Variants in SACM1L observed in about 807,000 individuals in gnomAD.
SACM1L encodes the protein SAC1 like phosphatidylinositide phosphatase.
Under a neutral mutation model 89.5 loss-of-function variants are expected in SACM1L, and 32 were observed. That is an observed-to-expected ratio of 0.36 (90% CI 0.27 to 0.48). SACM1L has a LOEUF of 0.48. Ranked by LOEUF, SACM1L falls within the 20% of genes least tolerant of loss-of-function variation. The pLI is 0.99. For missense variants in SACM1L, 543 were observed against 708.5 expected (o/e 0.77, Z 2.65); for synonymous variants, 213 against 232.8 (o/e 0.92, Z 0.77).
intron 12 of SACM1L, 146 bp from the exon 13 acceptor site, chr3:45,731,907 A>G (rs1276488344): frequency 3.6e-6 from 2 of 562,124 alleles, no homozygotes; most frequent in Non-Finnish European, 3.2e-6. Context: ...ATGTATAGTG[A>G]TAAACCCAGA....
At chr3:45,699,058 T>C (rs1015444518) in intron 1 of SACM1L, among the ~76,000 whole-genome samples, 2 of 152,164 alleles carry the variant, frequency 1.3e-5, no homozygotes, top group Admixed American at 1.3e-4. Context: ...TGCATGAGCC[T>C]CTGCGCCTGG....
At chr3:45,709,419 G>A in intron 4 of SACM1L, 79 bp from the exon 5 acceptor site, 1 of 1,303,954 alleles carries the variant, frequency 7.7e-7, no homozygotes, top group African/African-American at 1.5e-5. Flanking sequence ...GGACTTAACA[G>A]GATTTAATTT....
chr3:45,722,158 G>T, intron 9 of SACM1L, 73 bp downstream of exon 9: 1 of 875,638 alleles, frequency 1.1e-6, no homozygotes, highest in Non-Finnish European at 1.8e-6. Flanking sequence ...CTGTCATGTT[G>T]AAATTTCCCT....
intron 1 of SACM1L, among the ~76,000 whole-genome samples, chr3:45,696,556 G>T (rs1166528982): frequency 2.0e-5 from 3 of 152,098 alleles, no homozygotes; most frequent in Non-Finnish European, 1.5e-5. Context: ...TTTTCCCATA[G>T]TGGCTGCACC....
intron 1 of SACM1L, among the ~76,000 whole-genome samples, chr3:45,700,782 C>T (rs984202336): frequency 6.6e-6 from 1 of 152,222 alleles, no homozygotes; most frequent in African/African-American, 2.4e-5. Flanking sequence ...AAGCGATTCT[C>T]ATGCCTTAGC....
chr3:45,707,667 G>A (rs915082200), intron 4 of SACM1L, among the ~76,000 whole-genome samples: 1 of 152,204 alleles, frequency 6.6e-6, no homozygotes, highest in Non-Finnish European at 1.5e-5. Context: ...GAGTGGCTGT[G>A]ACGAAAGGGA....
chr3:45,708,712 G>C (rs1344277577), intron 4 of SACM1L, among the ~76,000 whole-genome samples: 1 of 151,996 alleles, frequency 6.6e-6, no homozygotes. Context: ...GTTATTCTTT[G>C]TTGTCAAGCT....
chr3:45,710,389 C>T (rs376555525), intron 5 of SACM1L, among the ~76,000 whole-genome samples: 4 of 151,592 alleles, frequency 2.6e-5, no homozygotes, highest in East Asian at 3.9e-4. Context: ...GATGGGGTTT[C>T]GCCATGTTGC....
chr3:45,722,085 G>GTT lies in SACM1L; in HGVS notation c.765_765+1insTT (p.Thr256LeufsTer27). 1 of 1,601,900 alleles carries GTT rather than the reference G, an allele frequency of 6.2e-7. No homozygotes were observed. The highest frequency in any genetic ancestry group is 1.1e-5 in the South Asian group (1 of 89,742). On this transcript the variant is annotated frameshift_variant and splice_region_variant. Coordinates refer to ENST00000389061, the MANE Select transcript of SACM1L (RefSeq NM_014016.5). LOFTEE classifies it high-confidence loss of function. Reference sequence around the variant, plus strand: ...ATGGGAGCAAAGCTTCGTTTGTACAGGCAAGTTGTTATGTCTGTTAGGCAG... The same window carrying GTT: ...ATGGGAGCAAAGCTTCGTTTGTACAGTTGCAAGTTGTTATGTCTGTTAGGCAG...
chr3:45,723,944 A>G (rs770824545), intron 11 of SACM1L, among the ~76,000 whole-genome samples: 6 of 131,776 alleles, frequency 4.6e-5, no homozygotes, highest in Middle Eastern at 3.6e-3. Context: ...ATGTGTATGC[A>G]TATATGCACA....
chr3:45,689,844 C>G, intron 1 of SACM1L: 1 of 445,968 alleles, frequency 2.2e-6, no homozygotes, highest in Admixed American at 3.7e-5. Flanking sequence ...CTAAATTTAT[C>G]TGTATGACTT....
Position 45,732,057 on chromosome 3 carries a change from ATTGCCT to A in SACM1L, c.1010_1015del (p.Ala337_Phe338del). On this transcript the variant is annotated inframe_deletion, in exon 13 of 20. Transcript: ENST00000389061. ...GAATATCTTTTCTTTTGGTAGATAC[ATTGCCT>A]TTGACTTCCATAAGGAATGTAAAAA... 1 of 1,573,178 alleles carries A rather than the reference ATTGCCT, an allele frequency of 6.4e-7. No individual in the cohort carries two copies. The highest frequency in any genetic ancestry group is 8.6e-7 in the Non-Finnish European group (1 of 1,157,996).
chr3:45,696,642 C>G (rs945542716), intron 1 of SACM1L, among the ~76,000 whole-genome samples: 10 of 151,716 alleles, frequency 6.6e-5, no homozygotes, highest in African/African-American at 2.4e-4. Flanking sequence ...ATTTTCTATC[C>G]TGGGTTTGTT....
chr3:45,723,874 A>G (rs1167447403), intron 11 of SACM1L, among the ~76,000 whole-genome samples: 1 of 152,040 alleles, frequency 6.6e-6, no homozygotes, highest in Non-Finnish European at 1.5e-5. Context: ...AGGTTCATCC[A>G]TCTTGTAGCA....
rs1229575937 is a variant in SACM1L, at chr3:45,743,914, C to T, written c.*245C>T. 6.0e-6 allele frequency: 2 copies of T among 331,680 alleles called. No homozygotes were observed. Among genetic ancestry groups the T allele is most frequent in the Non-Finnish European group, 1.1e-5 (2 of 184,618 alleles). 20.5% of individuals were successfully genotyped at this position (331,680 alleles called of 1,614,324 possible). On this transcript the variant is annotated 3_prime_UTR_variant, in exon 20 of 20. Transcript: ENST00000389061. ...CTGTAATTAAAATATAACCTGAATT[C>T]AGCTTGCAGAATGGAAGCTGAATCT...
At chr3:45,713,952 T>C (rs749654295) in intron 6 of SACM1L, 94 bp from the exon 7 acceptor site, 2 of 602,380 alleles carry the variant, frequency 3.3e-6, no homozygotes, top group Non-Finnish European at 5.5e-6. Context: ...TACCTTGTTA[T>C]GTTTGTATAT....
rs200846209 is a variant in SACM1L, at chr3:45,706,916, T to C, written c.333+9T>C. Reference sequence around the variant, plus strand: ...ACTTAACTGATATTCAGGTAAGAACTGGAAATTGTTACTAATTGCAGCGCC... The same window carrying C: ...ACTTAACTGATATTCAGGTAAGAACCGGAAATTGTTACTAATTGCAGCGCC... On this transcript the variant is annotated intron_variant, in intron 4 of 19. Coordinates refer to ENST00000389061, the MANE Select transcript of SACM1L (RefSeq NM_014016.5). The C allele has an allele frequency of 2.4e-5, 38 of 1,612,512 alleles. No individual in the cohort carries two copies. In the Admixed American group the frequency reaches 5.2e-4, roughly 22 times the overall value.
intron 1 of SACM1L, among the ~76,000 whole-genome samples, chr3:45,692,155 G>A (rs1214259301): frequency 6.6e-6 from 1 of 152,140 alleles, no homozygotes; most frequent in Admixed American, 6.5e-5. Context: ...AGAGCCAAGA[G>A]ATCTCAGGTT....
rs527574784 is a variant in SACM1L at position 45,726,768 on chromosome 3, G to A, written c.921+3225G>A. On this transcript the variant is annotated intron_variant, in intron 11 of 19. Coordinates refer to ENST00000389061, the MANE Select transcript of SACM1L (RefSeq NM_014016.5). Reference sequence around the variant, plus strand: ...GGTTTAGTTTGCTCTTCTTTTTCTTGTTCCTTAAAGTGTAAAATTAGGTTA... The same window carrying A: ...GGTTTAGTTTGCTCTTCTTTTTCTTATTCCTTAAAGTGTAAAATTAGGTTA... 5.4e-4 allele frequency among the ~76,000 whole-genome samples: 80 copies of A among 149,190 alleles called. 1 individual carries two copies. Among genetic ancestry groups the A allele is most frequent in the South Asian group, 1.1e-3 (5 of 4,714 alleles).
Sources: gnomAD v4.1 joint callset for allele counts (sites outside exome capture counted in the v4.1 genomes callset) on GRCh38, gnomAD v4.1.1 for gene constraint, MANE v1.5 for transcripts, NCBI Gene and HGNC (gene_info 2026-07-23, HGNC 2026-07-21) for gene names.